Variants in SCAPER observed in about 807,000 individuals in gnomAD.
SCAPER encodes the protein S phase cyclin A-associated protein in the endoplasmic reticulum.
In SCAPER, 98 loss-of-function variants were observed where a neutral mutation model predicts 182.2. The ratio of observed to expected loss-of-function variants is 0.54; its 90% confidence interval spans 0.46 to 0.64. The LOEUF (loss-of-function observed/expected upper bound fraction) is 0.64. SCAPER is among the 30% of genes least tolerant of loss of function. The pLI is 0.00. For synonymous variants in SCAPER, 605 were observed against 564.6 expected, an observed-to-expected ratio of 1.07 and a Z score of -1.01; for missense variants, 1,432 against 1,690.0, an observed-to-expected ratio of 0.85 and a Z score of 2.68.
chr15:76,728,321 C>A (rs187396698), intron 17 of SCAPER, among the ~76,000 whole-genome samples: 27 of 152,038 alleles, frequency 1.8e-4, no homozygotes, highest in African/African-American at 6.5e-4. Context: ...ACTAATTATG[C>A]CCTCAGTATC....
At position 76,765,544 on chromosome 15, in the gene SCAPER, A is replaced by G. The variant is rs749832497; in HGVS notation, c.1495+19T>C. ...TTTTGAACACTGTACTACACACCCA[A>G]TATGCATATACACAATACCTTCATA... On this transcript the variant is annotated intron_variant, in intron 12 of 31. Coordinates refer to ENST00000563290, the MANE Select transcript of SCAPER (RefSeq NM_020843.4). 7.5e-6 allele frequency: 12 copies of G among 1,601,680 alleles called. No individual in the cohort carries two copies. Among genetic ancestry groups the G allele is most frequent in the African/African-American group, 1.3e-5 (1 of 74,880 alleles).
chr15:76,711,004 T>C (rs1216062222), intron 17 of SCAPER, among the ~76,000 whole-genome samples: 5 of 152,058 alleles, frequency 3.3e-5, no homozygotes, highest in Non-Finnish European at 5.9e-5. Context: ...CAATAAACAA[T>C]GTTATAACTA....
intron 22 of SCAPER, among the ~76,000 whole-genome samples, chr15:76,615,561 C>T (rs935657943): frequency 2.7e-5 from 4 of 150,786 alleles, no homozygotes; most frequent in Non-Finnish European, 4.4e-5. Context: ...TGGCTCACAC[C>T]TGTAATCCCA....
At chr15:76,356,005 C>A (rs1271844951) in intron 29 of SCAPER, among the ~76,000 whole-genome samples, 1 of 152,236 alleles carries the variant, frequency 6.6e-6, no homozygotes, top group Non-Finnish European at 1.5e-5. Context: ...TATGACAGGA[C>A]TTAACCAGGC....
At chr15:76,654,446 A>T (rs1278282461) in intron 21 of SCAPER, among the ~76,000 whole-genome samples, 1 of 152,134 alleles carries the variant, frequency 6.6e-6, no homozygotes, top group African/African-American at 2.4e-5. Context: ...CATACCACTA[A>T]CAATGCTATT....
intron 23 of SCAPER, among the ~76,000 whole-genome samples, chr15:76,514,814 C>T (rs1037372130): frequency 5.9e-5 from 9 of 152,156 alleles, no homozygotes; most frequent in Non-Finnish European, 1.0e-4. Flanking sequence ...TTTACTAACA[C>T]TTAAAAGACA....
chr15:76,736,448 T>C lies in SCAPER; in HGVS notation c.1867-3064A>G, dbSNP rs568716935. ...CTCTGTAGTATGTGATGCTGTTTGA[T>C]AGCATTTTACCCATAGTAGAGTTTC... On this transcript the variant is annotated intron_variant, in intron 15 of 31. Coordinates refer to ENST00000563290, the MANE Select transcript of SCAPER (RefSeq NM_020843.4). Among the ~76,000 whole-genome samples, 74 of 152,334 alleles carry C rather than the reference T, an allele frequency of 4.9e-4. 1 individual carries two copies. The highest frequency in any genetic ancestry group is 1.7e-3 in the African/African-American group (69 of 41,580).
At chr15:76,590,506 T>A (rs1200301263) in intron 22 of SCAPER, among the ~76,000 whole-genome samples, 3 of 152,126 alleles carry the variant, frequency 2.0e-5, no homozygotes, top group Non-Finnish European at 4.4e-5. Flanking sequence ...GGGTACATAA[T>A]TTGCATGGCT....
chr15:76,607,978 C>CA (rs1228826158), intron 22 of SCAPER, among the ~76,000 whole-genome samples: 2 of 152,118 alleles, frequency 1.3e-5, no homozygotes, highest in Non-Finnish European at 2.9e-5. Flanking sequence ...TCCTGTAGCT[C>CA]AGAGTAGTTT....
chr15:76,406,590 C>G (rs550843154), intron 26 of SCAPER, among the ~76,000 whole-genome samples: 1 of 151,008 alleles, frequency 6.6e-6, no homozygotes, highest in Non-Finnish European at 1.5e-5. Context: ...TGAGACTGGC[C>G]TGGGCAACAT....
intron 5 of SCAPER, among the ~76,000 whole-genome samples, chr15:76,818,495 T>C (rs946852483): frequency 6.6e-6 from 1 of 151,956 alleles, no homozygotes; most frequent in East Asian, 1.9e-4. Context: ...AAAAACAATA[T>C]TGAGAGAATA....
chr15:76,644,085 G>A (rs1017969954), intron 21 of SCAPER, among the ~76,000 whole-genome samples: 1 of 152,040 alleles, frequency 6.6e-6, no homozygotes, highest in African/African-American at 2.4e-5. Flanking sequence ...GGACTAGGCC[G>A]GCAGTTTTTA....
intron 23 of SCAPER, among the ~76,000 whole-genome samples, chr15:76,561,583 T>C (rs2046626012): frequency 6.6e-6 from 1 of 152,192 alleles, no homozygotes; most frequent in Non-Finnish European, 1.5e-5. Context: ...TTCTTAGCAC[T>C]GTTTTAGGGA....
At position 76,404,736 on chromosome 15, in the gene SCAPER, C is replaced by T. The variant is rs112847764; in HGVS notation, c.3312-57G>A. 2,068 of 1,543,926 alleles carry T rather than the reference C, an allele frequency of 1.3e-3. 22 individuals are homozygous for T. The African/African-American group carries it at 0.025, about 19-fold the overall frequency. On this transcript the variant is annotated intron_variant, in intron 26 of 31. Transcript: ENST00000563290. ...TCTGAATAGGCCAGCAACATCTTCACCTTCAATGATAAATGCTACCATACA... is the reference window on the plus strand; with the variant it reads ...TCTGAATAGGCCAGCAACATCTTCATCTTCAATGATAAATGCTACCATACA...
At chr15:76,635,708 T>C (rs2146304117) in intron 21 of SCAPER, among the ~76,000 whole-genome samples, 1 of 151,524 alleles carries the variant, frequency 6.6e-6, no homozygotes, top group South Asian at 2.1e-4. Context: ...TTCCTAATTA[T>C]CCTTTACCAG....
intron 21 of SCAPER, among the ~76,000 whole-genome samples, chr15:76,648,681 T>C (rs2054757725): frequency 6.6e-6 from 1 of 152,124 alleles, no homozygotes; most frequent in Non-Finnish European, 1.5e-5. Flanking sequence ...TTCCTTTTAA[T>C]AAAAAAGCAG....
At chr15:76,752,540 TACTC>T (rs2062154130) in intron 15 of SCAPER, among the ~76,000 whole-genome samples, 1 of 151,754 alleles carries the variant, frequency 6.6e-6, no homozygotes, top group African/African-American at 2.4e-5. Context: ...AATGGAAAAT[TACTC>T]AGCCTGAAAA....
chr15:76,588,816 C>G (rs147115950), intron 22 of SCAPER, among the ~76,000 whole-genome samples: 2 of 151,984 alleles, frequency 1.3e-5, no homozygotes, highest in African/African-American at 2.4e-5. Context: ...GTTAAAGAAC[C>G]TTGTTTTGCC....
At chr15:76,433,994 C>T in intron 26 of SCAPER, 84 bp downstream of exon 26, 1 of 1,107,020 alleles carries the variant, frequency 9.0e-7, no homozygotes, top group Non-Finnish European at 1.3e-6. Flanking sequence ...AGAACCACTG[C>T]CATCACATGG....
Sources: allele counts gnomAD v4.1 joint callset (sites outside exome capture counted in the v4.1 genomes callset), GRCh38; gene constraint gnomAD v4.1.1; transcripts MANE v1.5; gene names NCBI Gene and HGNC (gene_info 2026-07-23, HGNC 2026-07-21).